The following CCDC91 variants were observed in gnomAD, a reference collection of about 807,000 sequenced individuals.
CCDC91 encodes coiled-coil domain containing 91.
A neutral mutation model predicts 63.2 loss-of-function variants in CCDC91; 48 were observed. The observed-to-expected ratio is 0.76, with a 90% CI of 0.60 to 0.97. The LOEUF (loss-of-function observed/expected upper bound fraction) is 0.97. Among genes scored for constraint, CCDC91 ranks in the 50% least tolerant of loss-of-function variants. CCDC91 has a pLI of 0.00. For missense variants in CCDC91, 500 were observed against 494.6 expected (o/e 1.01, Z -0.10); for synonymous variants, 167 against 165.8 (o/e 1.01, Z -0.06).
At chr12:28,261,256 C>T (rs905889564) in intron 3 of CCDC91, among the ~76,000 whole-genome samples, 9 of 151,952 alleles carry the variant, frequency 5.9e-5, no homozygotes, top group Non-Finnish European at 1.0e-4. Context: ...ACCTGAAACT[C>T]AGAAGAAAGG....
chr12:28,318,651 TAAC>T (rs1182520779), intron 6 of CCDC91, among the ~76,000 whole-genome samples: 1 of 152,028 alleles, frequency 6.6e-6, no homozygotes, highest in East Asian at 1.9e-4. Flanking sequence ...TTATGAGAAT[TAAC>T]AATATAGGTA....
At chr12:28,460,255 A>G (rs185957113) in intron 11 of CCDC91, among the ~76,000 whole-genome samples, 44 of 152,230 alleles carry the variant, frequency 2.9e-4, no homozygotes, top group Admixed American at 2.6e-3. Context: ...CCTCCTGATC[A>G]CATTGTTTGC....
intron 11 of CCDC91, among the ~76,000 whole-genome samples, 156 bp from the exon 12 acceptor site, chr12:28,483,895 TC>T (rs1270478734): frequency 1.3e-5 from 2 of 152,114 alleles, no homozygotes; most frequent in African/African-American, 2.4e-5. Context: ...CTCTAACAGA[TC>T]GCAAAAGATT....
At chr12:28,257,445 C>T (rs539919862) in intron 2 of CCDC91, among the ~76,000 whole-genome samples, 200 bp downstream of exon 2, 1 of 151,820 alleles carries the variant, frequency 6.6e-6, no homozygotes, top group East Asian at 1.9e-4. Flanking sequence ...TATTATAGAA[C>T]ATTTGGACTT....
chr12:28,363,930 G>T (rs998480229), intron 7 of CCDC91, among the ~76,000 whole-genome samples: 1 of 144,664 alleles, frequency 6.9e-6, no homozygotes, highest in African/African-American at 2.5e-5. Context: ...ATAAAAGTAG[G>T]AAAAAAAGTA....
At chr12:28,193,803 A>G (rs1941489084) in intron 1 of CCDC91, among the ~76,000 whole-genome samples, 1 of 152,184 alleles carries the variant, frequency 6.6e-6, no homozygotes, top group Non-Finnish European at 1.5e-5. Flanking sequence ...TTCTTCTAAC[A>G]TATTGAGCGT....
intron 1 of CCDC91, among the ~76,000 whole-genome samples, chr12:28,208,595 A>G (rs1032774458): frequency 2.0e-5 from 3 of 152,232 alleles, no homozygotes; most frequent in Non-Finnish European, 2.9e-5. Context: ...CCTATCAAAT[A>G]TTTTAAAGGT....
chr12:28,200,876 C>T (rs1255469427), intron 1 of CCDC91, among the ~76,000 whole-genome samples: 3 of 150,764 alleles, frequency 2.0e-5, no homozygotes, highest in African/African-American at 7.3e-5. Context: ...CCTCACCTCC[C>T]AGACAGGGCG....
chr12:28,535,890 A>G (rs762768995), intron 12 of CCDC91, among the ~76,000 whole-genome samples: 5 of 151,920 alleles, frequency 3.3e-5, no homozygotes, highest in South Asian at 2.1e-4. Flanking sequence ...TTAGCCGGAC[A>G]TGGTGGTGGG....
intron 3 of CCDC91, among the ~76,000 whole-genome samples, chr12:28,300,525 GTTTAA>G (rs1937951428): frequency 6.6e-6 from 1 of 151,358 alleles, no homozygotes; most frequent in African/African-American, 2.4e-5. Flanking sequence ...TTTTAATATA[GTTTAA>G]TTTAGTATAT....
At chr12:28,238,759 AT>A (rs1945132853) in intron 1 of CCDC91, among the ~76,000 whole-genome samples, 1 of 152,154 alleles carries the variant, frequency 6.6e-6, no homozygotes, top group Non-Finnish European at 1.5e-5. Flanking sequence ...TGAATCAGAT[AT>A]GCACCAGTAA....
At chr12:28,210,384 A>G (rs938255001) in intron 1 of CCDC91, among the ~76,000 whole-genome samples, 1 of 152,150 alleles carries the variant, frequency 6.6e-6, no homozygotes, top group African/African-American at 2.4e-5. Flanking sequence ...TTTTCTTTAA[A>G]CCAATTAATT....
chr12:28,418,538 A>C lies in CCDC91; in HGVS notation c.762+27127A>C, dbSNP rs184679788. 2.6e-5 allele frequency among the ~76,000 whole-genome samples: 4 copies of C among 152,224 alleles called. No homozygotes were observed. In the East Asian group the frequency reaches 7.7e-4, roughly 29 times the overall value. ...AAATTATTTTCCTTTAATGAGATAT[A>C]ATGTGCCTTAATTGGGATATAATCT... is the stretch of plus-strand genomic sequence containing the variant. On this transcript the variant is annotated intron_variant, in intron 8 of 12. Transcript: ENST00000536442.
intron 12 of CCDC91, among the ~76,000 whole-genome samples, chr12:28,531,758 C>T (rs1007112661): frequency 4.9e-4 from 74 of 152,214 alleles, no homozygotes; most frequent in African/African-American, 1.5e-3. Context: ...ATTCAGCAAA[C>T]ATTTAGTCAG....
At chr12:28,319,791 A>G (rs1314846124) in intron 6 of CCDC91, among the ~76,000 whole-genome samples, 1 of 151,760 alleles carries the variant, frequency 6.6e-6, no homozygotes, top group Admixed American at 6.6e-5. Context: ...GTTATATTGT[A>G]TCATAATAAT....
chr12:28,461,384 A>T (rs1950304856), intron 11 of CCDC91, among the ~76,000 whole-genome samples: 1 of 152,068 alleles, frequency 6.6e-6, no homozygotes, highest in Non-Finnish European at 1.5e-5. Flanking sequence ...GTATTATTAT[A>T]GGTGCAGGGC....
At chr12:28,420,765 T>C (rs1409679095) in intron 8 of CCDC91, among the ~76,000 whole-genome samples, 1 of 151,998 alleles carries the variant, frequency 6.6e-6, no homozygotes, top group African/African-American at 2.4e-5. Context: ...TGGTTTTTTT[T>C]TTTTCAGTAG....
intron 12 of CCDC91, among the ~76,000 whole-genome samples, chr12:28,534,983 A>G (rs375890079): frequency 2.0e-5 from 3 of 152,206 alleles, no homozygotes; most frequent in East Asian, 1.9e-4. Context: ...TAAACTTAAA[A>G]ATATACATCA....
chr12:28,217,336 CTAAGT>C (rs1336098944), intron 1 of CCDC91, among the ~76,000 whole-genome samples: 6 of 151,994 alleles, frequency 3.9e-5, no homozygotes, highest in African/African-American at 1.4e-4. Flanking sequence ...TGCAAATGAG[CTAAGT>C]TTAGTTGAAC....
Sources: gnomAD v4.1 joint callset for allele counts (sites outside exome capture counted in the v4.1 genomes callset) on GRCh38, gnomAD v4.1.1 for gene constraint, MANE v1.5 for transcripts, NCBI Gene and HGNC (gene_info 2026-07-23, HGNC 2026-07-21) for gene names.